Variants in RBL1 observed in about 807,000 individuals in gnomAD.
RBL1 encodes the protein retinoblastoma-like protein 1.
Under a neutral mutation model 123.0 loss-of-function variants are expected in RBL1, and 82 were observed. The ratio of observed to expected loss-of-function variants is 0.67; its 90% confidence interval spans 0.56 to 0.80. The LOEUF (loss-of-function observed/expected upper bound fraction) is 0.80, where lower values mean the gene tolerates loss of function less well. Among genes scored for constraint, RBL1 ranks in the 30% least tolerant of loss-of-function variants. RBL1 has a pLI of 0.00. For synonymous variants in RBL1, 405 were observed against 441.3 expected, an observed-to-expected ratio of 0.92 and a Z score of 1.03; for missense variants, 1,171 against 1,299.6, an observed-to-expected ratio of 0.90 and a Z score of 1.52.
chr20:37,073,112 C>T (rs746835856), intron 2 of RBL1, among the ~76,000 whole-genome samples: 2 of 152,096 alleles, frequency 1.3e-5, no homozygotes, highest in African/African-American at 4.8e-5. Flanking sequence ...TGTGCCCCCA[C>T]ACCCAGCTAA....
At chr20:37,052,872 C>A (rs559181599) in intron 11 of RBL1, among the ~76,000 whole-genome samples, 39 of 152,146 alleles carry the variant, frequency 2.6e-4, no homozygotes, top group African/African-American at 8.7e-4. Context: ...GAACTCCTGA[C>A]CTCAGGTGAT....
intron 2 of RBL1, among the ~76,000 whole-genome samples, chr20:37,076,352 T>G (rs1858232535): frequency 6.6e-6 from 1 of 152,186 alleles, no homozygotes; most frequent in Admixed American, 6.5e-5. Flanking sequence ...TTATAACAAT[T>G]TACTATAATA....
intron 11 of RBL1, among the ~76,000 whole-genome samples, chr20:37,054,421 T>G (rs1047382621): frequency 6.6e-6 from 1 of 151,252 alleles, no homozygotes; most frequent in African/African-American, 2.4e-5. Context: ...GAGGCGGAGG[T>G]TGCAGTGAGC....
chr20:37,022,872 T>G (rs1340073517), intron 16 of RBL1, 46 bp from the exon 17 acceptor site: 1 of 1,439,816 alleles, frequency 6.9e-7, no homozygotes. Context: ...AAGTAAATCA[T>G]TTCTCAAATT....
chr20:37,022,916 T>C (rs140742860), intron 16 of RBL1, 90 bp from the exon 17 acceptor site: 552 of 1,024,474 alleles, frequency 5.4e-4, no homozygotes, highest in Non-Finnish European at 7.4e-4. Context: ...TTAAAAAACA[T>C]AGGCTGTTGA....
At chr20:37,071,391 C>T (rs2065279291) in intron 2 of RBL1, among the ~76,000 whole-genome samples, 1 of 152,186 alleles carries the variant, frequency 6.6e-6, no homozygotes, top group African/African-American at 2.4e-5. Flanking sequence ...CATGGTAGCT[C>T]ATGCCTGTAA....
rs113228847 is a variant in RBL1, at chr20:37,067,225, C to T, written c.556+8G>A. 2.5e-6 allele frequency: 4 copies of T among 1,596,080 alleles called. No homozygotes were observed. Among genetic ancestry groups the T allele is most frequent in the Non-Finnish European group, 3.4e-6 (4 of 1,173,576 alleles). ...AGAAATGTAAGACCACTGAAAGTGT[C>T]ATCTTACCCTTAGTATAAACAAAAA... On this transcript the variant is annotated splice_region_variant and intron_variant, in intron 4 of 21. Transcript: ENST00000373664.
chr20:37,087,048 G>C (rs750442536), intron 2 of RBL1, among the ~76,000 whole-genome samples: 4 of 152,076 alleles, frequency 2.6e-5, no homozygotes. Context: ...ATTAAAAGAG[G>C]GGATGAGGGT....
At chr20:37,072,670 T>C (rs2065300454) in intron 2 of RBL1, among the ~76,000 whole-genome samples, 1 of 152,200 alleles carries the variant, frequency 6.6e-6, no homozygotes, top group Non-Finnish European at 1.5e-5. Flanking sequence ...ATACATCTGC[T>C]TGAGATTTTG....
intron 9 of RBL1, among the ~76,000 whole-genome samples, chr20:37,057,686 T>C (rs1222531287): frequency 1.3e-5 from 2 of 152,184 alleles, no homozygotes; most frequent in African/African-American, 4.8e-5. Flanking sequence ...TTCTTTGCTA[T>C]GTTAAAGCTT....
chr20:37,090,305 T>C (rs538315428), intron 1 of RBL1, among the ~76,000 whole-genome samples: 32 of 152,294 alleles, frequency 2.1e-4, no homozygotes, highest in Admixed American at 1.8e-3. Flanking sequence ...CACAACAAAA[T>C]CACCTAATGT....
intron 2 of RBL1, among the ~76,000 whole-genome samples, chr20:37,088,290 G>C (rs903966089): frequency 5.3e-5 from 8 of 151,224 alleles, no homozygotes; most frequent in Non-Finnish European, 1.2e-4. Context: ...AAGAGAGAGA[G>C]AGAAAGATCT....
chr20:37,054,689 G>T (rs1426570239), intron 11 of RBL1, among the ~76,000 whole-genome samples: 1 of 151,622 alleles, frequency 6.6e-6, no homozygotes, highest in African/African-American at 2.4e-5. Flanking sequence ...AATTAGCCAG[G>T]CGTGGTGGCG....
chr20:37,008,441 C>G (rs921171219), intron 19 of RBL1, among the ~76,000 whole-genome samples: 9 of 152,150 alleles, frequency 5.9e-5, no homozygotes, highest in Non-Finnish European at 1.3e-4. Flanking sequence ...ACTGAGCACC[C>G]TCAATTGTAA....
At chr20:37,058,140 CAAA>C (rs796895938) in intron 9 of RBL1, among the ~76,000 whole-genome samples, 4 of 76,132 alleles carry the variant, frequency 5.3e-5, no homozygotes, top group African/African-American at 1.3e-4. Context: ...CAAAACAAAA[CAAA>C]AAAAAAAAAG....
chr20:37,035,131 T>A, intron 15 of RBL1, 111 bp downstream of exon 15: 2 of 1,085,824 alleles, frequency 1.8e-6, no homozygotes, highest in South Asian at 1.8e-5. Context: ...AAAAAAAGTA[T>A]AGGTTCAAGA....
At chr20:37,069,155 G>C (rs975826021) in intron 2 of RBL1, among the ~76,000 whole-genome samples, 2 of 152,262 alleles carry the variant, frequency 1.3e-5, no homozygotes, top group African/African-American at 2.4e-5. Flanking sequence ...TGGTGCCCAG[G>C]CTGGAGTGCA....
intron 13 of RBL1, among the ~76,000 whole-genome samples, chr20:37,041,121 G>C (rs1013158431): frequency 6.6e-6 from 1 of 152,114 alleles, no homozygotes; most frequent in African/African-American, 2.4e-5. Context: ...GCCTTGGACA[G>C]TTCTAGTAGT....
Position 37,047,155 on chromosome 20 carries a change from C to T in RBL1, c.1503G>A (p.Leu501=). The stretch of plus-strand genomic sequence containing the variant: ...GCACAATTTCCAAACAACAAGCCAT[C>T]AAGGAACGATGAAATATATCTTGCT... The part of the protein sequence containing the change: ...LLEQDIFHRS[L]MACCLEIVLF... Residue 501 remains leucine, a synonymous_variant, in exon 12 of 22, where the codon TTG becomes TTA. Coordinates refer to ENST00000373664, the MANE Select transcript of RBL1 (RefSeq NM_002895.5). 1 of 1,604,064 alleles carries T rather than the reference C, an allele frequency of 6.2e-7. No individual in the cohort carries two copies. The highest frequency in any genetic ancestry group is 8.5e-7 in the Non-Finnish European group (1 of 1,178,024).
Sources: allele counts gnomAD v4.1 joint callset (sites outside exome capture counted in the v4.1 genomes callset), GRCh38; gene constraint gnomAD v4.1.1; transcripts MANE v1.5; gene names NCBI Gene and HGNC (gene_info 2026-07-23, HGNC 2026-07-21).